Variants in GALNT13 observed in about 807,000 individuals in gnomAD.
GALNT13 encodes the protein UDP-GalNAc:polypeptide N-acetylgalactosaminyltransferase 13.
A neutral mutation model predicts 64.2 loss-of-function variants in GALNT13; 28 were observed. That is an observed-to-expected ratio of 0.44 (90% CI 0.32 to 0.60). The LOEUF (loss-of-function observed/expected upper bound fraction) is 0.60, where lower values mean the gene tolerates loss of function less well. Among genes scored for constraint, GALNT13 ranks in the 20% least tolerant of loss-of-function variants. GALNT13 has a pLI of 0.05. For synonymous variants in GALNT13, 214 were observed against 224.6 expected (o/e 0.95, Z 0.42); for missense variants, 577 against 669.8 (o/e 0.86, Z 1.53).
chr2:154,449,312 G>C (rs1479145462), intron 12 of GALNT13, among the ~76,000 whole-genome samples: 1 of 149,018 alleles, frequency 6.7e-6, no homozygotes, highest in Non-Finnish European at 1.5e-5. Context: ...AGTCCACGAT[G>C]TTTTCAGTCC....
At chr2:154,399,669 C>A (rs576268080) in intron 10 of GALNT13, among the ~76,000 whole-genome samples, 2 of 152,166 alleles carry the variant, frequency 1.3e-5, no homozygotes, top group South Asian at 4.2e-4. Context: ...CCTCTTAATA[C>A]CACTACAATG....
At chr2:154,094,787 ACCTTCATCTTGAATATTT>A (rs956740114) in intron 3 of GALNT13, among the ~76,000 whole-genome samples, 3 of 151,898 alleles carry the variant, frequency 2.0e-5, no homozygotes, top group African/African-American at 7.2e-5. Context: ...TATCTTGCTT[ACCTTCATCTTGAATATTT>A]CCATTTTCAG....
At chr2:154,331,606 T>A (rs987926355) in intron 9 of GALNT13, among the ~76,000 whole-genome samples, 25 of 152,014 alleles carry the variant, frequency 1.6e-4, no homozygotes, top group African/African-American at 5.8e-4. Context: ...GTCATGAAAT[T>A]TTCATGAAAA....
intron 3 of GALNT13, among the ~76,000 whole-genome samples, chr2:153,948,887 A>G (rs979432402): frequency 6.6e-6 from 1 of 152,108 alleles, no homozygotes. Context: ...AAAATAATTA[A>G]TGAGTACTAG....
intron 4 of GALNT13, among the ~76,000 whole-genome samples, chr2:154,197,318 G>A (rs900776305): frequency 6.6e-6 from 1 of 151,938 alleles, no homozygotes; most frequent in Admixed American, 6.6e-5. Context: ...GGTGGATAAG[G>A]GACCAGAAAC....
chr2:153,135,650 A>ATG, the GALNT13 span, among the ~76,000 whole-genome samples: 81 of 152,110 alleles, frequency 5.3e-4, no homozygotes, highest in African/African-American at 1.9e-3. Flanking sequence ...AGGTAATTTT[A>ATG]TGTGTGTGTG....
the GALNT13 span, among the ~76,000 whole-genome samples, chr2:153,408,723 A>G: frequency 6.6e-6 from 1 of 151,462 alleles, no homozygotes; most frequent in East Asian, 1.9e-4. Context: ...TGCTAGGGAA[A>G]CTCATACTGA....
the GALNT13 span, among the ~76,000 whole-genome samples, chr2:153,241,733 A>G: frequency 1.3e-5 from 2 of 151,892 alleles, no homozygotes; most frequent in Admixed American, 6.6e-5. Flanking sequence ...AATTGAAAAA[A>G]GGATTTGTGA....
chr2:154,035,676 A>G (rs1698619292), intron 3 of GALNT13, among the ~76,000 whole-genome samples: 1 of 152,068 alleles, frequency 6.6e-6, no homozygotes, highest in South Asian at 2.1e-4. Flanking sequence ...CAATGTTTGG[A>G]ACATAGTAGA....
the GALNT13 span, among the ~76,000 whole-genome samples, chr2:153,799,593 C>T: frequency 6.6e-6 from 1 of 152,134 alleles, no homozygotes; most frequent in Non-Finnish European, 1.5e-5. Context: ...AAATGCTCTG[C>T]CATTATAGTA....
At chr2:153,728,864 A>G in the GALNT13 span, among the ~76,000 whole-genome samples, 3 of 152,236 alleles carry the variant, frequency 2.0e-5, no homozygotes, top group East Asian at 1.9e-4. Flanking sequence ...AAACACCTCT[A>G]TGCAAGTAAA....
chr2:153,343,228 T>C, the GALNT13 span, among the ~76,000 whole-genome samples: 1 of 152,144 alleles, frequency 6.6e-6, no homozygotes, highest in Non-Finnish European at 1.5e-5. Flanking sequence ...ATAAGACCCA[T>C]TATGTTGTGA....
intron 9 of GALNT13, among the ~76,000 whole-genome samples, chr2:154,352,835 G>A (rs1696488861): frequency 6.6e-6 from 1 of 152,108 alleles, no homozygotes; most frequent in South Asian, 2.1e-4. Flanking sequence ...CCTCTCCTTG[G>A]TTTCTGTGGA....
intron 3 of GALNT13, among the ~76,000 whole-genome samples, chr2:153,994,466 G>T (rs1339757017): frequency 6.6e-6 from 1 of 152,116 alleles, no homozygotes; most frequent in Non-Finnish European, 1.5e-5. Context: ...GGTATTTCTT[G>T]TTCTAGATCC....
At chr2:154,026,553 G>A in intron 3 of GALNT13, among the ~76,000 whole-genome samples, 1 of 152,180 alleles carries the variant, frequency 6.6e-6, no homozygotes, top group East Asian at 1.9e-4. Flanking sequence ...GCCAGCATGG[G>A]CAGGTTCTGG....
chr2:153,988,260 TA>T (rs1444001022), intron 3 of GALNT13, among the ~76,000 whole-genome samples: 2 of 151,918 alleles, frequency 1.3e-5, no homozygotes, highest in Non-Finnish European at 2.9e-5. Context: ...ACAATAGATC[TA>T]AAACTTATTC....
chr2:153,938,647 T>C (rs1227826041), intron 2 of GALNT13, among the ~76,000 whole-genome samples: 1 of 152,196 alleles, frequency 6.6e-6, no homozygotes, highest in East Asian at 1.9e-4. Context: ...TTCTGGAGGC[T>C]AGAAGTCCAA....
At chr2:153,663,181 A>T in the GALNT13 span, among the ~76,000 whole-genome samples, 3 of 152,244 alleles carry the variant, frequency 2.0e-5, no homozygotes, top group African/African-American at 7.2e-5. Context: ...ATGTTTCAGT[A>T]GACATACTTA....
chr2:154,039,578 TAGAG>T (rs1175217396), intron 3 of GALNT13, among the ~76,000 whole-genome samples: 1 of 137,902 alleles, frequency 7.3e-6, no homozygotes, highest in Non-Finnish European at 1.7e-5. Flanking sequence ...TTTATAGAAA[TAGAG>T]AGTAGAATTA....
Sources: gnomAD v4.1 joint callset for allele counts (sites outside exome capture counted in the v4.1 genomes callset) on GRCh38, gnomAD v4.1.1 for gene constraint, MANE v1.5 for transcripts, NCBI Gene and HGNC (gene_info 2026-07-23, HGNC 2026-07-21) for gene names.